Variants in ZNF333 observed in about 807,000 individuals in gnomAD.
The protein encoded by ZNF333 is zinc finger protein 333.
Under a neutral mutation model 76.1 loss-of-function variants are expected in ZNF333, and 61 were observed. The observed-to-expected ratio is 0.80, with a 90% CI of 0.65 to 0.99. The LOEUF (loss-of-function observed/expected upper bound fraction) is 0.99. Among genes scored for constraint, ZNF333 ranks in the 50% least tolerant of loss-of-function variants. The pLI, the probability that ZNF333 is intolerant of heterozygous loss-of-function variation, is 0.00. For missense variants in ZNF333, 717 were observed against 822.4 expected (o/e 0.87, Z 1.57); for synonymous variants, 284 against 305.0 (o/e 0.93, Z 0.72).
chr19:14,710,299 A>G (rs1177778540), intron 7 of ZNF333, among the ~76,000 whole-genome samples: 1 of 152,202 alleles, frequency 6.6e-6, no homozygotes, highest in Non-Finnish European at 1.5e-5. Context: ...CAGGGAGGAA[A>G]GCAGTGGTAG....
At chr19:14,711,134 G>A (rs867285136) in intron 7 of ZNF333, among the ~76,000 whole-genome samples, 6 of 152,270 alleles carry the variant, frequency 3.9e-5, no homozygotes, top group African/African-American at 1.2e-4. Context: ...GGGGATTAAC[G>A]TTTTGGTGTG....
downstream of ZNF333, among the ~76,000 whole-genome samples, chr19:14,724,220 A>T (rs1599763811): frequency 6.6e-6 from 1 of 152,216 alleles, no homozygotes; most frequent in African/African-American, 2.4e-5. Flanking sequence ...GAAATGGTTC[A>T]AAAAGATCAG....
chr19:14,707,968 A>G (rs940913946), intron 7 of ZNF333: 9 of 400,664 alleles, frequency 2.2e-5, no homozygotes, highest in African/African-American at 4.1e-5. Context: ...TATTTTTGGT[A>G]AGTCTTCTGG....
intron 1 of ZNF333, among the ~76,000 whole-genome samples, chr19:14,692,141 G>C (rs1288930424): frequency 6.6e-6 from 1 of 152,084 alleles, no homozygotes; most frequent in Non-Finnish European, 1.5e-5. Flanking sequence ...TACAGTGCTT[G>C]CCCCTGTGGA....
intron 11 of ZNF333, 74 bp downstream of exon 11, chr19:14,717,807 C>A (rs1469959804): frequency 1.4e-6 from 2 of 1,471,228 alleles, no homozygotes; most frequent in Non-Finnish European, 1.9e-6. Context: ...GTTAGAAAAG[C>A]AGCCCAAGAG....
chr19:14,693,436 T>C lies in ZNF333; in HGVS notation c.-41-15T>C, dbSNP rs1258309126. On this transcript the variant is annotated splice_polypyrimidine_tract_variant and intron_variant, in intron 1 of 11. Transcript: ENST00000292530. ...CCTCACCCCTTCTTTTACCTCAGTG[T>C]CTCCTTTATTGCAGGGAGAACACCG... The C allele has an allele frequency of 1.9e-6, 3 of 1,573,626 alleles. No individual in the cohort carries two copies. In the Admixed American group the frequency reaches 5.2e-5, roughly 27 times the overall value.
intron 5 of ZNF333, among the ~76,000 whole-genome samples, chr19:14,702,890 G>A (rs112164335): frequency 6.6e-6 from 1 of 152,080 alleles, no homozygotes; most frequent in Non-Finnish European, 1.5e-5. Flanking sequence ...TAAACAAAAG[G>A]GGGAAAAACC....
chr19:14,693,558 G>A (rs1599680432), intron 2 of ZNF333, 64 bp downstream of exon 2: 1 of 1,538,164 alleles, frequency 6.5e-7, no homozygotes, highest in East Asian at 2.3e-5. Flanking sequence ...TGTCCTCTGG[G>A]CCCTGTCTTC....
At chr19:14,717,562 A>C (rs1024784510) in intron 10 of ZNF333, 95 bp from the exon 11 acceptor site, 41 of 1,076,142 alleles carry the variant, frequency 3.8e-5, no homozygotes, top group South Asian at 9.1e-5. Flanking sequence ...TTTGGGAAAA[A>C]AAGTCCACAT....
chr19:14,702,405 A>G (rs539358912), intron 5 of ZNF333, among the ~76,000 whole-genome samples: 1 of 152,334 alleles, frequency 6.6e-6, no homozygotes, highest in South Asian at 2.1e-4. Context: ...CCTGTAGTTC[A>G]GCTACTTGGG....
At chr19:14,702,731 T>G (rs1301563481) in intron 5 of ZNF333, among the ~76,000 whole-genome samples, 1 of 152,154 alleles carries the variant, frequency 6.6e-6, no homozygotes, top group African/African-American at 2.4e-5. Context: ...ACCCTGCTGA[T>G]AAAGAGATAC....
In ZNF333 at chr19:14,720,595, G is replaced by A. The variant is rs1018024885; in HGVS notation, c.*1270G>A. On this transcript the variant is annotated 3_prime_UTR_variant, in exon 12 of 12. Coordinates refer to ENST00000292530, the MANE Select transcript of ZNF333 (RefSeq NM_032433.4). ...AAAATATGCACTTCTTACTGGTACA[G>A]TTTTCTTTTGTTTGTTTTTGTTTTT... is the stretch of plus-strand genomic sequence containing the variant. 8.1e-6 allele frequency: 8 copies of A among 985,330 alleles called. No individual in the cohort carries two copies. In the African/African-American group the frequency reaches 1.2e-4, roughly 15 times the overall value. 61.0% of individuals were successfully genotyped at this position (985,330 alleles called of 1,614,324 possible). A position where few individuals can be genotyped will look rare whatever the true frequency, so the allele number is the denominator to read the frequency against.
intron 11 of ZNF333, 94 bp downstream of exon 11, chr19:14,717,827 A>G: frequency 7.9e-7 from 1 of 1,263,564 alleles, no homozygotes; most frequent in Admixed American, 1.9e-5. Context: ...GCCAAGAGCG[A>G]TTCGAGGCAA....
intron 7 of ZNF333, among the ~76,000 whole-genome samples, chr19:14,712,968 C>A (rs549653381): frequency 6.6e-6 from 1 of 152,220 alleles, no homozygotes; most frequent in Non-Finnish European, 1.5e-5. Context: ...GCAAAATACA[C>A]TCACGTGGTC....
At chr19:14,732,652 T>C (rs902719951) in exon 12 of ZNF333, 9 of 152,148 alleles carry the variant, frequency 5.9e-5, no homozygotes, top group African/African-American at 1.7e-4. Context: ...TGAAAACAAA[T>C]AAAAAGAAGA....
rs753274974 is a variant in ZNF333, at chr19:14,719,344, A to G, written c.*19A>G. On this transcript the variant is annotated 3_prime_UTR_variant, in exon 12 of 12. Transcript: ENST00000292530. ...TAATTAACTTCCATTTTGTAAAAAT[A>G]TAAACACATGGGGCTATGACTTTCC... The G allele has an allele frequency of 1.3e-6, 2 of 1,584,012 alleles. No individual in the cohort carries two copies. Among genetic ancestry groups the G allele is most frequent in the South Asian group, 1.2e-5 (1 of 86,796 alleles).
At chr19:14,712,300 A>G (rs1324409776) in intron 7 of ZNF333, among the ~76,000 whole-genome samples, 4 of 151,914 alleles carry the variant, frequency 2.6e-5, no homozygotes, top group Admixed American at 1.3e-4. Context: ...GCTCACTGCA[A>G]ACTCCATCTC....
chr19:14,728,070 G>A lies in ZNF333; in HGVS notation c.901-3105G>A, dbSNP rs543623871. 1.1e-4 allele frequency among the ~76,000 whole-genome samples: 16 copies of A among 152,268 alleles called. No individual in the cohort carries two copies. The South Asian group carries it at 1.5e-3, about 14-fold the overall frequency. ...ACCCCATCTCTACTGAAAATTAGCC[G>A]GGTGTGGTGGTGGGCGCCTGTAGTC... On this transcript the variant is annotated intron_variant, in intron 11 of 11. Transcript: ENST00000540689.
rs7245462 is a variant in ZNF333 at position 14,718,020 on chromosome 19, T to A, written c.901-208T>A. Among the ~76,000 whole-genome samples, 8 of 152,044 alleles carry A rather than the reference T, an allele frequency of 5.3e-5. No homozygotes were observed. In the South Asian group the frequency reaches 1.7e-3, roughly 31 times the overall value. ...TGGAAAAATTCTGCATCTAAGAAGC[T>A]GCATGAAAATAATGAAAAGATAGCT... On this transcript the variant is annotated intron_variant, in intron 11 of 11. Coordinates refer to ENST00000292530, the MANE Select transcript of ZNF333 (RefSeq NM_032433.4).
Sources: allele counts gnomAD v4.1 joint callset (sites outside exome capture counted in the v4.1 genomes callset), GRCh38; gene constraint gnomAD v4.1.1; transcripts MANE v1.5; gene names NCBI Gene and HGNC (gene_info 2026-07-23, HGNC 2026-07-21).